PKDCC: variants seen among roughly 807,000 people sequenced by gnomAD.
PKDCC encodes the protein protein kinase domain containing, cytoplasmic.
PKDCC carries 35 observed loss-of-function variants against 44.7 expected under a neutral mutation model. The ratio of observed to expected loss-of-function variants is 0.78; its 90% confidence interval spans 0.60 to 1.04. The LOEUF is 1.04. PKDCC is among the 50% of genes least tolerant of loss of function. PKDCC has a pLI of 0.00. For synonymous variants in PKDCC, 353 were observed against 303.3 expected (o/e 1.16, Z -1.70); for missense variants, 738 against 672.7 (o/e 1.10, Z -1.07).
chr2:42,057,394 G>T lies in PKDCC; in HGVS notation c.1396G>T (p.Gly466Cys). 1 of 1,614,158 alleles carries T rather than the reference G, an allele frequency of 6.2e-7. No homozygotes were observed. Among genetic ancestry groups the T allele is most frequent in the Non-Finnish European group, 8.5e-7 (1 of 1,180,028 alleles). Residue 466 changes from glycine to cysteine, a missense_variant and splice_region_variant, in exon 6 of 7, where the codon GGT becomes TGT. Transcript: ENST00000294964. The stretch of plus-strand genomic sequence containing the variant: ...GGTCACCAACCAGACCACCTGGACA[G>T]GTGAGCCAGTGGGAGAAGCCCTTCC... The part of the protein sequence containing the change: ...FVVTNQTTWT[G>C]RQLVFFKTGW...
chr2:42,048,675 G>C lies in PKDCC; in HGVS notation c.476G>C (p.Gly159Ala). The C allele has an allele frequency of 6.5e-7, 1 of 1,547,436 alleles. No individual in the cohort carries two copies. Among genetic ancestry groups the C allele is most frequent in the East Asian group, 2.4e-5 (1 of 40,858 alleles). ...TKAVYRVRLP[G>A]GAAVALKAVD... ...GCCGTGTACCGGGTCCGCCTGCCCG[G>C]CGGTGCCGCGGTGGCGCTCAAGGCG... Residue 159 changes from glycine (G) to alanine (A), a missense_variant, in exon 1 of 7, where the codon GGC (glycine) becomes GCC (alanine). Transcript: ENST00000294964. The surrounding 1 kb of genome is among the most constrained non-coding windows in gnomAD (Gnocchi z 6.2).
At position 42,053,467 on chromosome 2, in the gene PKDCC, G is replaced by A. The variant is rs1048244916; in HGVS notation, c.762+106G>A. 121 of 1,450,590 alleles carry A rather than the reference G, an allele frequency of 8.3e-5. No individual in the cohort carries two copies. The Middle Eastern group carries it at 1.0e-3, about 12-fold the overall frequency. 89.9% of individuals were successfully genotyped at this position (1,450,590 alleles called of 1,614,324 possible). A position where few individuals can be genotyped will look rare whatever the true frequency, so the allele number is the denominator to read the frequency against. On this transcript the variant is annotated intron_variant, in intron 2 of 6. Transcript: ENST00000294964. Reference sequence around the variant, plus strand: ...CCCACTCCTCCTCCACCCAGGGAGAGGGAGGGGAGGAAGGCGCACAGGCTG... The same window carrying A: ...CCCACTCCTCCTCCACCCAGGGAGAAGGAGGGGAGGAAGGCGCACAGGCTG...
chr2:42,056,938 C>T (rs1052904290), intron 5 of PKDCC, among the ~76,000 whole-genome samples: 3 of 152,136 alleles, frequency 2.0e-5, no homozygotes, highest in African/African-American at 7.2e-5. Context: ...TGTCTGTACC[C>T]CTTTCATGTG....
At chr2:42,053,083 A>G (rs1223112422) in intron 1 of PKDCC, among the ~76,000 whole-genome samples, 156 bp from the exon 2 acceptor site, 2 of 152,140 alleles carry the variant, frequency 1.3e-5, no homozygotes. Context: ...AAGAGAGGGC[A>G]TGCTTCCCAG....
rs1346291175 is a variant in PKDCC, at chr2:42,054,380, A to G, written c.1034+73A>G. 1 of 1,500,360 alleles carries G rather than the reference A, an allele frequency of 6.7e-7. No homozygotes were observed. Among genetic ancestry groups the G allele is most frequent in the East Asian group, 2.4e-5 (1 of 40,922 alleles). 92.9% of individuals were successfully genotyped at this position (1,500,360 alleles called of 1,614,324 possible). A position where few individuals can be genotyped will look rare whatever the true frequency, so the allele number is the denominator to read the frequency against. On this transcript the variant is annotated intron_variant, in intron 3 of 6. Transcript: ENST00000294964. The surrounding 1 kb of genome is among the most constrained non-coding windows in gnomAD (Gnocchi z 6.1). ...AGGAGGGCATGGCAGGAAGAGAGCC[A>G]ACGTGGAGGCCAGCTGGGCAGGGAG...
At position 42,057,917 on chromosome 2, in the gene PKDCC, T is replaced by C. The variant is rs1668085012; in HGVS notation, c.*229T>C. Reference sequence around the variant, plus strand: ...CTGCTGGCTCCTAGTCCAGGAATCATGGGGGTATGACTGCCTCTCCAACCC... The same window carrying C: ...CTGCTGGCTCCTAGTCCAGGAATCACGGGGGTATGACTGCCTCTCCAACCC... On this transcript the variant is annotated 3_prime_UTR_variant, in exon 7 of 7. Transcript: ENST00000294964. The C allele has an allele frequency of 3.6e-6, 2 of 559,890 alleles. No homozygotes were observed. Among genetic ancestry groups the C allele is most frequent in the East Asian group, 3.0e-5 (1 of 33,040 alleles). The allele number at this position is 559,890 out of a possible 1,614,324, so 34.7% of individuals were successfully genotyped here. A position where few individuals can be genotyped will look rare whatever the true frequency, so the allele number is the denominator to read the frequency against.
Position 42,055,449 on chromosome 2 carries a change from G to A in PKDCC, c.1222+56G>A, listed in dbSNP as rs987002255. The A allele has an allele frequency of 8.6e-6, 13 of 1,509,226 alleles. No individual in the cohort carries two copies. In the South Asian group the frequency reaches 1.3e-4, roughly 15 times the overall value. 93.5% of individuals were successfully genotyped at this position (1,509,226 alleles called of 1,614,324 possible). ...GCAAGAAACAGGTGGGAGGGTGAAT[G>A]ACCCCGCCCAATTAGGCTAAGTGGC... On this transcript the variant is annotated intron_variant, in intron 5 of 6. Coordinates refer to ENST00000294964, the MANE Select transcript of PKDCC (RefSeq NM_138370.3). The surrounding 1 kb of genome is among the most constrained non-coding windows in gnomAD (Gnocchi z 4.5).
chr2:42,055,193 G>A lies in PKDCC; in HGVS notation c.1115-93G>A. 1 of 1,339,382 alleles carries A rather than the reference G, an allele frequency of 7.5e-7. No individual in the cohort carries two copies. Among genetic ancestry groups the A allele is most frequent in the Non-Finnish European group, 1.0e-6 (1 of 957,390 alleles). 83.0% of individuals were successfully genotyped at this position (1,339,382 alleles called of 1,614,324 possible). On this transcript the variant is annotated intron_variant, in intron 4 of 6. Transcript: ENST00000294964. This position sits in a 1 kb window ranked among gnomAD's most constrained non-coding sequence, Gnocchi z 4.5. ...CCGCCCTCTGTTCACTGGGGCACAG[G>A]CTCTGGAGGCAGAGGTGGGAGCAGC... is the stretch of plus-strand genomic sequence containing the variant.
chr2:42,056,319 T>A (rs1262067638), intron 5 of PKDCC, among the ~76,000 whole-genome samples: 1 of 152,096 alleles, frequency 6.6e-6, no homozygotes, highest in Non-Finnish European at 1.5e-5. Flanking sequence ...GATTGTGAGT[T>A]TTCAGAGCTT....
chr2:42,050,910 A>G (rs968581089), intron 1 of PKDCC, among the ~76,000 whole-genome samples: 5 of 152,138 alleles, frequency 3.3e-5, no homozygotes, highest in African/African-American at 1.2e-4. Flanking sequence ...GGAAGCCTAC[A>G]GTGGGGTCTT....
chr2:42,048,606 G>T lies in PKDCC; in HGVS notation c.407G>T (p.Arg136Leu). The change falls in exon 1 of 7, where the codon CGC becomes CTC. Residue 136 changes from arginine to leucine, a missense_variant. By Grantham distance (102) the Arg-to-Leu change is moderately radical. Coordinates refer to ENST00000294964, the MANE Select transcript of PKDCC (RefSeq NM_138370.3). This position sits in a 1 kb window ranked among gnomAD's most constrained non-coding sequence, Gnocchi z 6.2. ...CCGCGCCTGGGCTGCGCCGCGCTTCGCAACGTGTCCGGCGCGCAGTACATG... is the reference window on the plus strand; with the variant it reads ...CCGCGCCTGGGCTGCGCCGCGCTTCTCAACGTGTCCGGCGCGCAGTACATG... ...PGPRLGCAAL[R>L]NVSGAQYMGS... is the part of the protein sequence containing the mutation. 1 of 1,507,910 alleles carries T rather than the reference G, an allele frequency of 6.6e-7. No homozygotes were observed. The highest frequency in any genetic ancestry group is 2.0e-4 in the Middle Eastern group (1 of 5,078). The allele number at this position is 1,507,910 out of a possible 1,614,324, so 93.4% of individuals were successfully genotyped here.
In PKDCC at chr2:42,053,381, C is replaced by T. The variant is rs780257888; in HGVS notation, c.762+20C>T. 1.8e-5 allele frequency: 28 copies of T among 1,598,978 alleles called. No individual in the cohort carries two copies. The highest frequency in any genetic ancestry group is 2.7e-5 in the African/African-American group (2 of 74,588). ...TTCCGAGTGAGCTCAGAGGAGGGCT[C>T]GGGCCCTGGGCTCCTTGCTAGGATG... On this transcript the variant is annotated intron_variant, in intron 2 of 6. Transcript: ENST00000294964.
At position 42,048,078 on chromosome 2, in the gene PKDCC, C is replaced by A; in HGVS notation, c.-122C>A. The A allele has an allele frequency of 2.1e-6, 1 of 468,578 alleles. No individual in the cohort carries two copies. The highest frequency in any genetic ancestry group is 2.7e-6 in the Non-Finnish European group (1 of 365,008). 29.0% of individuals were successfully genotyped at this position (468,578 alleles called of 1,614,324 possible). On this transcript the variant is annotated 5_prime_UTR_variant, in exon 1 of 7. Coordinates refer to ENST00000294964, the MANE Select transcript of PKDCC (RefSeq NM_138370.3). The surrounding 1 kb of genome is among the most constrained non-coding windows in gnomAD (Gnocchi z 6.2). ...GGGGCCGGGGTCGGGGCCGCCGGGG[C>A]CATGCGCGCGGGCTGGGCAGGGGGC...
At position 42,048,888 on chromosome 2, in the gene PKDCC, G is replaced by A; in HGVS notation, c.639+50G>A. 1 of 1,408,908 alleles carries A rather than the reference G, an allele frequency of 7.1e-7. No individual in the cohort carries two copies. Among genetic ancestry groups the A allele is most frequent in the Non-Finnish European group, 9.3e-7 (1 of 1,076,572 alleles). 87.3% of individuals were successfully genotyped at this position (1,408,908 alleles called of 1,614,324 possible). ...AACGGTGTTGGCTGGGAGTGCCCAAGACCTTGTCAACCTGGCTGGAAGAGA... is the reference window on the plus strand; with the variant it reads ...AACGGTGTTGGCTGGGAGTGCCCAAAACCTTGTCAACCTGGCTGGAAGAGA... On this transcript the variant is annotated intron_variant, in intron 1 of 6. Coordinates refer to ENST00000294964, the MANE Select transcript of PKDCC (RefSeq NM_138370.3). The surrounding 1 kb of genome is among the most constrained non-coding windows in gnomAD (Gnocchi z 6.2).
intron 1 of PKDCC, 81 bp from the exon 2 acceptor site, chr2:42,053,158 G>A (rs189276164): frequency 9.6e-5 from 138 of 1,438,162 alleles, no homozygotes; most frequent in Non-Finnish European, 1.2e-4. Context: ...GGAGGAGAGA[G>A]AGGGGGAACC....
rs571134014 is a variant in PKDCC at position 42,057,332 on chromosome 2, A to C, written c.1334A>C (p.Asp445Ala). The change falls in exon 6 of 7, where the codon GAT (aspartate) becomes GCT (alanine). Residue 445 changes from aspartate to alanine, a missense_variant. Physicochemically the swap from Asp to Ala is moderately radical, Grantham distance 126. Transcript: ENST00000294964. Reference protein sequence around the residue: ...LSVFNLAEAVDVCESHAQCRA... With the variant: ...LSVFNLAEAVAVCESHAQCRA... ...GTGTTCAACCTGGCTGAGGCTGTGG[A>C]TGTCTGTGAGAGCCATGCCCAGTGT... 1.2e-6 allele frequency: 2 copies of C among 1,614,102 alleles called. No individual in the cohort carries two copies. The highest frequency in any genetic ancestry group is 2.2e-5 in the South Asian group (2 of 91,070).
chr2:42,057,174 A>C (rs768483418), intron 5 of PKDCC, 47 bp from the exon 6 acceptor site: 1 of 1,600,672 alleles, frequency 6.2e-7, no homozygotes, highest in South Asian at 1.1e-5. Flanking sequence ...TGGGCACTCA[A>C]ACCTGGGCAT....
At position 42,057,658 on chromosome 2, in the gene PKDCC, C is replaced by G. The variant is rs921819463; in HGVS notation, c.1452C>G (p.Asn484Lys). Residue 484 changes from asparagine (N) to lysine (K), a missense_variant, in exon 7 of 7, where the codon AAC becomes AAG. Physicochemically the swap from Asn to Lys is moderately conservative, Grantham distance 94. Transcript: ENST00000294964. ...TGWSQVVPDP[N>K]KTTYVKASG ...GGAGCCAAGTGGTCCCTGATCCCAA[C>G]AAGACCACATATGTGAAGGCCTCTG... 1.9e-6 allele frequency: 3 copies of G among 1,614,054 alleles called. No individual in the cohort carries two copies. The highest frequency in any genetic ancestry group is 1.7e-6 in the Non-Finnish European group (2 of 1,179,998).
At chr2:42,049,543 G>A (rs1667933369) in intron 1 of PKDCC, among the ~76,000 whole-genome samples, 1 of 152,180 alleles carries the variant, frequency 6.6e-6, no homozygotes, top group Admixed American at 6.5e-5. Flanking sequence ...GGACAGACTG[G>A]CGGCCTGAGG....
Sources: gnomAD v4.1 joint callset for allele counts (sites outside exome capture counted in the v4.1 genomes callset) on GRCh38, gnomAD v4.1.1 for gene constraint, Gnocchi (gnomAD v3.1) non-coding constraint, MANE v1.5 for transcripts, NCBI Gene and HGNC (gene_info 2026-07-23, HGNC 2026-07-21) for gene names.